The following LAPTM4B variants were observed in gnomAD, a reference collection of about 807,000 sequenced individuals.
LAPTM4B encodes lysosomal-associated transmembrane protein 4B.
LAPTM4B carries 26 observed loss-of-function variants against 28.5 expected under a neutral mutation model. That is an observed-to-expected ratio of 0.91 (90% CI 0.67 to 1.27). The LOEUF is 1.27. LAPTM4B is among the 50% of genes most tolerant of loss of function. LAPTM4B has a pLI of 0.00. For synonymous variants in LAPTM4B, 109 were observed against 106.4 expected (o/e 1.02, Z -0.15); for missense variants, 288 against 285.8 (o/e 1.01, Z -0.06).
chr8:97,848,215 T>G (rs1400492298), intron 6 of LAPTM4B, among the ~76,000 whole-genome samples: 1 of 152,194 alleles, frequency 6.6e-6, no homozygotes, highest in Admixed American at 6.5e-5. Flanking sequence ...TCAGCCGAGA[T>G]CGCGCCACTG....
chr8:97,823,084 G>T (rs774985436), intron 5 of LAPTM4B, among the ~76,000 whole-genome samples: 1 of 151,918 alleles, frequency 6.6e-6, no homozygotes, highest in African/African-American at 2.4e-5. Flanking sequence ...TTTGTGATCC[G>T]CCCACCTCGG....
At chr8:97,816,009 T>C (rs759635931) in intron 3 of LAPTM4B, 49 bp from the exon 4 acceptor site, 1 of 1,487,674 alleles carries the variant, frequency 6.7e-7, no homozygotes, top group Non-Finnish European at 9.0e-7. Context: ...AGAAAAATAT[T>C]GTTTTATAAT....
At chr8:97,783,887 G>A (rs1176526555) in intron 1 of LAPTM4B, among the ~76,000 whole-genome samples, 5 of 152,158 alleles carry the variant, frequency 3.3e-5, no homozygotes, top group Admixed American at 1.3e-4. Context: ...GCGTGTGCAC[G>A]TAATACATTT....
chr8:97,845,177 C>T (rs1275207159), intron 6 of LAPTM4B, among the ~76,000 whole-genome samples: 1 of 152,146 alleles, frequency 6.6e-6, no homozygotes, highest in African/African-American at 2.4e-5. Flanking sequence ...CTTTATCCTC[C>T]TCGTGTAGTT....
At chr8:97,847,418 C>T (rs983631786) in intron 6 of LAPTM4B, among the ~76,000 whole-genome samples, 3 of 152,122 alleles carry the variant, frequency 2.0e-5, no homozygotes, top group African/African-American at 4.8e-5. Context: ...ATTCTTAGTT[C>T]TCAGAGATTA....
chr8:97,797,318 A>G (rs1299355012), intron 1 of LAPTM4B, among the ~76,000 whole-genome samples: 1 of 152,028 alleles, frequency 6.6e-6, no homozygotes, highest in Non-Finnish European at 1.5e-5. Flanking sequence ...ATTTTAGTAG[A>G]GAAGAGGTTT....
intron 2 of LAPTM4B, among the ~76,000 whole-genome samples, chr8:97,808,455 A>G (rs1381678785): frequency 8.6e-6 from 1 of 115,986 alleles, no homozygotes; most frequent in African/African-American, 2.9e-5. Flanking sequence ...TTCAAAATTA[A>G]AATAAAATTA....
chr8:97,848,180 T>G (rs1817461039), intron 6 of LAPTM4B, among the ~76,000 whole-genome samples: 2 of 152,154 alleles, frequency 1.3e-5, no homozygotes, highest in African/African-American at 4.8e-5. Context: ...GAGAATCGCT[T>G]GAACCCAGGA....
intron 6 of LAPTM4B, among the ~76,000 whole-genome samples, chr8:97,831,456 A>G (rs1431389688): frequency 6.6e-6 from 1 of 152,112 alleles, no homozygotes; most frequent in African/African-American, 2.4e-5. Flanking sequence ...GATTTTAGGA[A>G]GCCTTGGGGA....
rs546425169 is a variant in LAPTM4B, at chr8:97,800,484, C to CTTTT, written c.100-4845_100-4842dup. Among the ~76,000 whole-genome samples, 43 of 69,326 alleles carry CTTTT rather than the reference C, an allele frequency of 6.2e-4. 4 individuals carry two copies. The highest frequency in any genetic ancestry group is 2.7e-3 in the African/African-American group (36 of 13,392). 45.5% of individuals were successfully genotyped at this position (69,326 alleles called of 152,430 possible). On this transcript the variant is annotated intron_variant, in intron 1 of 6. Transcript: ENST00000521545. ...CTTCTGTAATATTACCCCTTGACCT[C>CTTTT]TTTTTTTTTTTTTTTTTTTTTTTTT...
At chr8:97,845,678 C>T (rs1817417123) in intron 6 of LAPTM4B, among the ~76,000 whole-genome samples, 1 of 151,948 alleles carries the variant, frequency 6.6e-6, no homozygotes, top group African/African-American at 2.4e-5. Context: ...CTTTGAGGGT[C>T]TCATGGAAGC....
intron 1 of LAPTM4B, among the ~76,000 whole-genome samples, chr8:97,797,157 G>A (rs1459540993): frequency 2.1e-5 from 3 of 144,532 alleles, no homozygotes; most frequent in African/African-American, 7.8e-5. Flanking sequence ...TTTTTGAGAT[G>A]AAGTTTTGTT....
At chr8:97,785,566 C>T (rs933717470) in intron 1 of LAPTM4B, among the ~76,000 whole-genome samples, 1 of 152,072 alleles carries the variant, frequency 6.6e-6, no homozygotes, top group African/African-American at 2.4e-5. Context: ...GATTGCAACC[C>T]CAGAATATAG....
rs374872470 is a variant in LAPTM4B, at chr8:97,825,091, C to G, written c.541C>G (p.Arg181Gly). Reference protein sequence around the residue: ...YLISCVWNCYRYINGRNSSDV... With the variant: ...YLISCVWNCYGYINGRNSSDV... ...GATTAGCTGTGTTTGGAACTGCTACCGATACATCAATGGTAGGAACTCCTC... is the reference window on the plus strand; with the variant it reads ...GATTAGCTGTGTTTGGAACTGCTACGGATACATCAATGGTAGGAACTCCTC... The change falls in exon 6 of 7, where the codon CGA (arginine) becomes GGA (glycine). Residue 181 changes from arginine (R) to glycine (G), a missense_variant. Arg to Gly is a moderately radical substitution (Grantham distance 125). Transcript: ENST00000521545. The G allele has an allele frequency of 1.2e-6, 2 of 1,611,142 alleles. No homozygotes were observed. Among genetic ancestry groups the G allele is most frequent in the Admixed American group, 1.7e-5 (1 of 59,974 alleles).
chr8:97,789,558 G>T (rs1816466557), intron 1 of LAPTM4B, among the ~76,000 whole-genome samples: 1 of 148,186 alleles, frequency 6.7e-6, no homozygotes, highest in African/African-American at 2.5e-5. Flanking sequence ...ACGGAGATTT[G>T]GTCTTATTGT....
At chr8:97,843,957 A>G (rs969139967) in intron 6 of LAPTM4B, among the ~76,000 whole-genome samples, 14 of 152,198 alleles carry the variant, frequency 9.2e-5, no homozygotes, top group Non-Finnish European at 1.6e-4. Context: ...AAAGAAACTG[A>G]CATCTCCTCT....
At chr8:97,799,396 C>A (rs185666389) in intron 1 of LAPTM4B, among the ~76,000 whole-genome samples, 1 of 152,078 alleles carries the variant, frequency 6.6e-6, no homozygotes, top group East Asian at 1.9e-4. Context: ...GCTGAAGAAA[C>A]CAGAAACAAA....
intron 6 of LAPTM4B, among the ~76,000 whole-genome samples, chr8:97,836,035 G>A (rs1473679319): frequency 6.6e-6 from 1 of 152,108 alleles, no homozygotes; most frequent in Non-Finnish European, 1.5e-5. Flanking sequence ...GCTTGATCTG[G>A]GGTGGAAGAG....
In LAPTM4B at chr8:97,787,108, C is replaced by G. The variant is rs78974316; in HGVS notation, c.99+11000C>G. Reference sequence around the variant, plus strand: ...GTTTGTCTTCATGGTGGAGACATTACCAGCACCATGTTTGTGTCCTGGCCT... The same window carrying G: ...GTTTGTCTTCATGGTGGAGACATTAGCAGCACCATGTTTGTGTCCTGGCCT... On this transcript the variant is annotated intron_variant, in intron 1 of 6. Transcript: ENST00000521545. Among the ~76,000 whole-genome samples the G allele has an allele frequency of 8.1e-3, 1,226 of 152,046 alleles. 15 individuals carry two copies. The highest frequency in any genetic ancestry group is 0.028 in the African/African-American group (1,167 of 41,432).
Sources: gnomAD v4.1 joint callset for allele counts (sites outside exome capture counted in the v4.1 genomes callset) on GRCh38, gnomAD v4.1.1 for gene constraint, MANE v1.5 for transcripts, NCBI Gene and HGNC (gene_info 2026-07-23, HGNC 2026-07-21) for gene names.